Variants in SLIT2 observed in about 807,000 individuals in gnomAD.
SLIT2 encodes the protein slit homolog 2 protein.
A neutral mutation model predicts 185.7 loss-of-function variants in SLIT2; 41 were observed. The ratio of observed to expected loss-of-function variants is 0.22; its 90% confidence interval spans 0.17 to 0.29. The LOEUF is 0.29. SLIT2 is among the 10% of genes least tolerant of loss of function. The pLI, the probability that SLIT2 is intolerant of heterozygous loss-of-function variation, is 1.00. For synonymous variants in SLIT2, 693 were observed against 680.2 expected (o/e 1.02, Z -0.29); for missense variants, 1,571 against 1,909.0 (o/e 0.82, Z 3.30).
chr4:20,464,514 G>C (rs1220448294), intron 4 of SLIT2, among the ~76,000 whole-genome samples: 2 of 152,146 alleles, frequency 1.3e-5, no homozygotes, highest in African/African-American at 4.8e-5. Context: ...TCCCTCGGCA[G>C]CTCCATCCCA....
At chr4:20,488,318 A>G (rs1231316393) in intron 7 of SLIT2, among the ~76,000 whole-genome samples, 2 of 152,206 alleles carry the variant, frequency 1.3e-5, no homozygotes, top group African/African-American at 2.4e-5. Context: ...AGTGTTTTAT[A>G]TTGAATTATT....
chr4:20,350,109 T>C lies in SLIT2; in HGVS notation c.395+81228T>C, dbSNP rs1198387934. ...ATAAATTACTAAGAGGTAGGCATCA[T>C]GTACTTCTTGTTCAGATTGCAAACC... On this transcript the variant is annotated intron_variant, in intron 4 of 36. Coordinates refer to ENST00000504154, the MANE Select transcript of SLIT2 (RefSeq NM_004787.4). Among the ~76,000 whole-genome samples the C allele has an allele frequency of 4.6e-5, 7 of 152,208 alleles. No homozygotes were observed. The East Asian group carries it at 1.3e-3, about 29-fold the overall frequency.
intron 4 of SLIT2, among the ~76,000 whole-genome samples, chr4:20,450,198 A>G (rs913357288): frequency 6.6e-6 from 1 of 152,226 alleles, no homozygotes; most frequent in Non-Finnish European, 1.5e-5. Flanking sequence ...TAGAGAATCA[A>G]GCACATTTCT....
chr4:20,285,936 G>C (rs988554389), intron 4 of SLIT2, among the ~76,000 whole-genome samples: 4 of 152,188 alleles, frequency 2.6e-5, no homozygotes, highest in African/African-American at 9.6e-5. Flanking sequence ...AGTCAGTTGT[G>C]TAGCTCTCAT....
chr4:20,284,235 CACTT>C (rs1371677315), intron 4 of SLIT2, among the ~76,000 whole-genome samples: 6 of 152,192 alleles, frequency 3.9e-5, no homozygotes, highest in African/African-American at 1.2e-4. Context: ...CAGATGTTTT[CACTT>C]ACTTTTTAAC....
At chr4:20,417,262 G>A (rs555279334) in intron 4 of SLIT2, among the ~76,000 whole-genome samples, 45 of 151,222 alleles carry the variant, frequency 3.0e-4, no homozygotes, top group Admixed American at 1.1e-3. Flanking sequence ...ATTTATTTTT[G>A]TCCATAGTCT....
At chr4:20,554,767 T>C (rs551012656) in intron 26 of SLIT2, among the ~76,000 whole-genome samples, 1 of 152,004 alleles carries the variant, frequency 6.6e-6, no homozygotes, top group Non-Finnish European at 1.5e-5. Context: ...TGTTTTGTTT[T>C]TTTTTTGTTT....
At chr4:20,273,530 G>A (rs1488907810) in intron 4 of SLIT2, among the ~76,000 whole-genome samples, 1 of 151,980 alleles carries the variant, frequency 6.6e-6, no homozygotes, top group Non-Finnish European at 1.5e-5. Flanking sequence ...GTAACTCTGG[G>A]ACGGCATTAT....
chr4:20,465,210 A>C (rs997927147), intron 4 of SLIT2, among the ~76,000 whole-genome samples: 4 of 152,196 alleles, frequency 2.6e-5, no homozygotes, highest in East Asian at 3.8e-4. Flanking sequence ...ATATTTACCT[A>C]TGTTTTCCAC....
At chr4:20,337,803 G>C (rs1048632960) in intron 4 of SLIT2, among the ~76,000 whole-genome samples, 1 of 151,966 alleles carries the variant, frequency 6.6e-6, no homozygotes, top group Non-Finnish European at 1.5e-5. Flanking sequence ...TATTCTTAAG[G>C]GATAAAACTT....
In SLIT2 at chr4:20,517,536, C is replaced by G. The variant is rs145318052; in HGVS notation, c.1059-1846C>G. Among the ~76,000 whole-genome samples the G allele has an allele frequency of 3.3e-5, 5 of 151,720 alleles. No homozygotes were observed. In the East Asian group the frequency reaches 9.7e-4, roughly 29 times the overall value. Reference sequence around the variant, plus strand: ...TGTTCTGGACAATATAGAATCCTCTCTTTTGTTCTTTGATTTTTAAAATGG... The same window carrying G: ...TGTTCTGGACAATATAGAATCCTCTGTTTTGTTCTTTGATTTTTAAAATGG... On this transcript the variant is annotated intron_variant, in intron 11 of 36. Coordinates refer to ENST00000504154, the MANE Select transcript of SLIT2 (RefSeq NM_004787.4).
intron 4 of SLIT2, among the ~76,000 whole-genome samples, chr4:20,315,227 G>GT (rs1229721596): frequency 6.6e-6 from 1 of 152,044 alleles, no homozygotes; most frequent in Non-Finnish European, 1.5e-5. Flanking sequence ...AATATATGAA[G>GT]TTTTGCCCAG....
intron 25 of SLIT2, among the ~76,000 whole-genome samples, chr4:20,552,937 T>C (rs1723906858): frequency 6.6e-6 from 1 of 152,162 alleles, no homozygotes; most frequent in African/African-American, 2.4e-5. Context: ...AAGTTACTAT[T>C]TAGGATAAAA....
chr4:20,321,537 G>A (rs1719084433), intron 4 of SLIT2, among the ~76,000 whole-genome samples: 1 of 152,144 alleles, frequency 6.6e-6, no homozygotes, highest in Admixed American at 6.6e-5. Flanking sequence ...ACACATAAAG[G>A]TCACTTCCTG....
In SLIT2 at chr4:20,469,599, A is replaced by T. The variant is rs1714741763; in HGVS notation, c.467+1776A>T. On this transcript the variant is annotated intron_variant, in intron 5 of 36. Transcript: ENST00000504154. Reference sequence around the variant, plus strand: ...CATAATTTTTTCTCAGAATTTAAAGATTTTTTATTATCATTTATGCAGTTA... The same window carrying T: ...CATAATTTTTTCTCAGAATTTAAAGTTTTTTTATTATCATTTATGCAGTTA... 2.6e-5 allele frequency among the ~76,000 whole-genome samples: 4 copies of T among 151,960 alleles called. No individual in the cohort carries two copies. The South Asian group carries it at 8.3e-4, about 31-fold the overall frequency.
intron 3 of SLIT2, among the ~76,000 whole-genome samples, chr4:20,264,638 C>A (rs1483200541): frequency 1.3e-5 from 2 of 151,810 alleles, no homozygotes; most frequent in African/African-American, 4.8e-5. Flanking sequence ...GTTCAGGCTG[C>A]CCTTCAAATT....
chr4:20,258,823 C>T (rs113633536), intron 3 of SLIT2, among the ~76,000 whole-genome samples: 4,151 of 151,744 alleles, frequency 0.027, 151 homozygotes, highest in East Asian at 0.1. Flanking sequence ...AATAAGTTTT[C>T]ATGCCTGCCT....
At chr4:20,559,737 A>T (rs1190983954) in intron 26 of SLIT2, among the ~76,000 whole-genome samples, 1 of 151,970 alleles carries the variant, frequency 6.6e-6, no homozygotes, top group Non-Finnish European at 1.5e-5. Flanking sequence ...ATTTTTAAAA[A>T]TCACTCAGCT....
intron 4 of SLIT2, among the ~76,000 whole-genome samples, chr4:20,294,576 G>C (rs1176656382): frequency 6.6e-6 from 1 of 152,068 alleles, no homozygotes; most frequent in Non-Finnish European, 1.5e-5. Context: ...TGTGTTTTGT[G>C]TTTAGTTTTG....
Sources: gnomAD v4.1 joint callset for allele counts (sites outside exome capture counted in the v4.1 genomes callset) on GRCh38, gnomAD v4.1.1 for gene constraint, MANE v1.5 for transcripts, NCBI Gene and HGNC (gene_info 2026-07-23, HGNC 2026-07-21) for gene names.